The following MAGI2 variants were observed in gnomAD, a reference collection of about 807,000 sequenced individuals.
MAGI2 encodes membrane-associated guanylate kinase, WW and PDZ domain-containing protein 2.
In MAGI2, 35 loss-of-function variants were observed where a neutral mutation model predicts 133.3. The ratio of observed to expected loss-of-function variants is 0.26; its 90% confidence interval spans 0.20 to 0.35. The LOEUF is 0.35. Ranked by LOEUF, MAGI2 falls within the 10% of genes least tolerant of loss-of-function variation. The pLI is 1.00. For missense variants in MAGI2, 1,636 were observed against 1,863.4 expected (o/e 0.88, Z 2.25); for synonymous variants, 729 against 710.6 (o/e 1.03, Z -0.41).
intron 7 of MAGI2, among the ~76,000 whole-genome samples, chr7:78,367,490 C>T (rs559377597): frequency 4.6e-5 from 7 of 152,302 alleles, no homozygotes; most frequent in South Asian, 2.1e-4. Flanking sequence ...TTTATTGGAA[C>T]GTAGCTGATG....
chr7:79,083,389 A>T (rs533736109), intron 1 of MAGI2, among the ~76,000 whole-genome samples: 1 of 149,810 alleles, frequency 6.7e-6, no homozygotes, highest in Non-Finnish European at 1.5e-5. Context: ...GGGACATTAG[A>T]TGGTGTTAGA....
At chr7:78,602,788 C>T (rs899711685) in intron 3 of MAGI2, among the ~76,000 whole-genome samples, 1 of 152,092 alleles carries the variant, frequency 6.6e-6, no homozygotes, top group East Asian at 1.9e-4. Context: ...AAACCTTTTC[C>T]ACCAAATATA....
chr7:78,721,788 T>C (rs958918298), intron 2 of MAGI2, among the ~76,000 whole-genome samples: 1 of 152,004 alleles, frequency 6.6e-6, no homozygotes, highest in African/African-American at 2.4e-5. Context: ...TTTCCAAGTC[T>C]AATTTATAAA....
At chr7:78,873,114 A>G (rs1037934585) in intron 2 of MAGI2, among the ~76,000 whole-genome samples, 12 of 152,216 alleles carry the variant, frequency 7.9e-5, no homozygotes, top group Admixed American at 2.0e-4. Context: ...GGAATGAAAG[A>G]CTAAGACTGT....
chr7:78,578,336 T>C (rs772722674), intron 3 of MAGI2, among the ~76,000 whole-genome samples: 7 of 152,024 alleles, frequency 4.6e-5, no homozygotes, highest in African/African-American at 7.2e-5. Context: ...TAAAGGACAA[T>C]GTACATAGTA....
chr7:78,176,834 C>A (rs889864624), intron 14 of MAGI2, among the ~76,000 whole-genome samples: 30 of 150,366 alleles, frequency 2.0e-4, no homozygotes, highest in African/African-American at 7.1e-4. Context: ...GGTGACAGGA[C>A]AAGACTCTGT....
chr7:79,096,378 C>A (rs1390438070), intron 1 of MAGI2, among the ~76,000 whole-genome samples: 1 of 152,188 alleles, frequency 6.6e-6, no homozygotes, highest in African/African-American at 2.4e-5. Flanking sequence ...CCCTGCCATG[C>A]CCCTTCAAGT....
intron 2 of MAGI2, among the ~76,000 whole-genome samples, chr7:78,895,902 G>T (rs1029057304): frequency 6.6e-6 from 1 of 152,014 alleles, no homozygotes. Context: ...AAATATATAC[G>T]CATGATGGAT....
chr7:78,542,577 A>C (rs1324567294), intron 3 of MAGI2, among the ~76,000 whole-genome samples: 4 of 152,174 alleles, frequency 2.6e-5, no homozygotes, highest in Non-Finnish European at 4.4e-5. Context: ...TAAGATGAAA[A>C]AGCTAATGAA....
chr7:79,127,231 T>C (rs1427730342), intron 1 of MAGI2, among the ~76,000 whole-genome samples: 1 of 152,208 alleles, frequency 6.6e-6, no homozygotes. Flanking sequence ...TTCAAGTCTT[T>C]GCTATTGTGA....
chr7:78,448,373 A>G (rs1295428810), intron 6 of MAGI2, among the ~76,000 whole-genome samples: 1 of 152,080 alleles, frequency 6.6e-6, no homozygotes, highest in Non-Finnish European at 1.5e-5. Flanking sequence ...TAATGGATAG[A>G]CTAATTTACA....
chr7:78,493,160 G>A (rs140040413), intron 5 of MAGI2, among the ~76,000 whole-genome samples: 193 of 152,224 alleles, frequency 1.3e-3, no homozygotes, highest in Middle Eastern at 6.8e-3. Flanking sequence ...AGTCAAGTCC[G>A]CATTTCTAGT....
intron 2 of MAGI2, among the ~76,000 whole-genome samples, chr7:78,941,541 G>A (rs1357042380): frequency 6.6e-6 from 1 of 151,934 alleles, no homozygotes; most frequent in African/African-American, 2.4e-5. Context: ...TTGCCCTGTT[G>A]GCCAGGCTGG....
intron 2 of MAGI2, among the ~76,000 whole-genome samples, chr7:78,991,317 T>TACACACACAC (rs148776305): frequency 7.6e-6 from 1 of 132,174 alleles, no homozygotes; most frequent in African/African-American, 2.8e-5. Context: ...GACACACACA[T>TACACACACAC]ACACACACAC....
rs573054573 is a variant in MAGI2 at position 79,031,784 on chromosome 7, G to T, written c.302-24578C>A. On this transcript the variant is annotated intron_variant, in intron 1 of 21. Coordinates refer to ENST00000354212, the MANE Select transcript of MAGI2 (RefSeq NM_012301.4). ...AAAGCACATTTGTTTTGTAAAAAAAGTTTAAGTATATGATGATTTATGACT... is the reference window on the plus strand; with the variant it reads ...AAAGCACATTTGTTTTGTAAAAAAATTTTAAGTATATGATGATTTATGACT... Among the ~76,000 whole-genome samples the T allele has an allele frequency of 5.3e-5, 8 of 152,170 alleles. No individual in the cohort carries two copies. The South Asian group carries it at 1.7e-3, about 32-fold the overall frequency.
At chr7:79,031,223 C>T (rs991637761) in intron 1 of MAGI2, among the ~76,000 whole-genome samples, 1 of 152,174 alleles carries the variant, frequency 6.6e-6, no homozygotes, top group Non-Finnish European at 1.5e-5. Flanking sequence ...ACTCCATTCT[C>T]ATCATTCACC....
At chr7:79,126,502 G>A (rs1584989899) in intron 1 of MAGI2, among the ~76,000 whole-genome samples, 1 of 152,162 alleles carries the variant, frequency 6.6e-6, no homozygotes, top group South Asian at 2.1e-4. Flanking sequence ...AGTAAGAGAA[G>A]TAGAGAAAAG....
intron 1 of MAGI2, among the ~76,000 whole-genome samples, chr7:79,351,263 A>C (rs919652388): frequency 3.3e-5 from 5 of 152,158 alleles, no homozygotes; most frequent in Non-Finnish European, 7.4e-5. Context: ...TTTATAGTGA[A>C]TCAAAATATC....
chr7:78,729,501 T>A (rs556336297), intron 2 of MAGI2, among the ~76,000 whole-genome samples: 1 of 152,200 alleles, frequency 6.6e-6, no homozygotes, highest in African/African-American at 2.4e-5. Context: ...AGAAGGCATC[T>A]TGGCCAACAG....
Sources: allele counts gnomAD v4.1 joint callset (sites outside exome capture counted in the v4.1 genomes callset), GRCh38; gene constraint gnomAD v4.1.1; transcripts MANE v1.5; gene names NCBI Gene and HGNC (gene_info 2026-07-23, HGNC 2026-07-21).